The following INSR variants were observed in gnomAD, a reference collection of about 807,000 sequenced individuals.
The protein encoded by INSR is IR.
INSR carries 67 observed loss-of-function variants against 142.6 expected under a neutral mutation model. That is an observed-to-expected ratio of 0.47 (90% CI 0.39 to 0.58). The LOEUF (loss-of-function observed/expected upper bound fraction) is 0.58. Ranked by LOEUF, INSR falls within the 20% of genes least tolerant of loss-of-function variation. The pLI is 0.00. For synonymous variants in INSR, 756 were observed against 743.1 expected, an observed-to-expected ratio of 1.02 and a Z score of -0.28; for missense variants, 1,248 against 1,833.2, an observed-to-expected ratio of 0.68 and a Z score of 5.83.
intron 14 of INSR, 71 bp downstream of exon 14, chr19:7,132,087 C>A: frequency 6.3e-7 from 1 of 1,593,588 alleles, no homozygotes; most frequent in Non-Finnish European, 8.6e-7. Flanking sequence ...TCCAAGTCAT[C>A]CCCTGCAATG....
At chr19:7,195,931 C>CT (rs903162924) in intron 2 of INSR, among the ~76,000 whole-genome samples, 1,510 of 54,786 alleles carry the variant, frequency 0.028, 82 homozygotes, top group East Asian at 0.25. Flanking sequence ...TCTTTTCTTT[C>CT]TTTTTTTTTT....
Position 7,117,104 on chromosome 19 carries a change from G to T in INSR, c.4101C>A (p.Gly1367=), listed in dbSNP as rs1483162267. 1.2e-6 allele frequency: 2 copies of T among 1,613,954 alleles called. No homozygotes were observed. Among genetic ancestry groups the T allele is most frequent in the African/African-American group, 2.7e-5 (2 of 74,882 alleles). ...EHIPYTHMNG[G]KKNGRILTLP... ...AGGTCAGAATCCGCCCGTTTTTCTT[G>T]CCTCCGTTCATGTGTGTGTAAGGGA... is the stretch of plus-strand genomic sequence containing the variant. Residue 1367 remains glycine, a synonymous_variant, in exon 22 of 22, where the codon GGC becomes GGA. Coordinates refer to ENST00000302850, the MANE Select transcript of INSR (RefSeq NM_000208.4).
At chr19:7,185,632 C>T (rs1974405504) in intron 2 of INSR, among the ~76,000 whole-genome samples, 1 of 151,576 alleles carries the variant, frequency 6.6e-6, no homozygotes, top group African/African-American at 2.4e-5. Flanking sequence ...CACCTGAGGT[C>T]AGGAGTTTGA....
chr19:7,130,597 C>T (rs959585335), intron 14 of INSR, among the ~76,000 whole-genome samples: 8 of 152,108 alleles, frequency 5.3e-5, no homozygotes, highest in East Asian at 1.9e-4. Flanking sequence ...ACCATCTCCC[C>T]GTCTTAACAC....
At chr19:7,155,984 TATCA>T (rs1225482780) in intron 9 of INSR, among the ~76,000 whole-genome samples, 2 of 144,434 alleles carry the variant, frequency 1.4e-5, no homozygotes, top group Non-Finnish European at 1.5e-5. Context: ...TGCATGAAAA[TATCA>T]ATCAATCAAT....
chr19:7,287,380 C>T (rs977630952), intron 1 of INSR, among the ~76,000 whole-genome samples: 3 of 151,550 alleles, frequency 2.0e-5, no homozygotes, highest in South Asian at 2.1e-4. Context: ...AGGCTGGTCT[C>T]GAACTCCTGA....
intron 9 of INSR, among the ~76,000 whole-genome samples, chr19:7,155,948 A>G (rs1466164108): frequency 2.0e-5 from 3 of 148,830 alleles, no homozygotes; most frequent in Admixed American, 6.8e-5. Context: ...GAGAAGAAGG[A>G]GGAGGAGAAG....
chr19:7,271,708 G>A (rs1006554127), intron 1 of INSR, among the ~76,000 whole-genome samples: 2 of 152,148 alleles, frequency 1.3e-5, no homozygotes, highest in Non-Finnish European at 2.9e-5. Context: ...GTCTATAGCA[G>A]CATTATTCAT....
At chr19:7,180,894 G>T (rs1335605313) in intron 3 of INSR, among the ~76,000 whole-genome samples, 2 of 152,256 alleles carry the variant, frequency 1.3e-5, no homozygotes, top group East Asian at 3.9e-4. Context: ...GTCTTGGGAA[G>T]CCACCGGAGG....
intron 2 of INSR, among the ~76,000 whole-genome samples, chr19:7,232,759 G>A (rs1422544727): frequency 2.6e-5 from 4 of 151,382 alleles, no homozygotes; most frequent in Non-Finnish European, 4.4e-5. Context: ...GCAGTGAGCC[G>A]AGATCCCGCC....
At chr19:7,249,725 G>A (rs571763211) in intron 2 of INSR, among the ~76,000 whole-genome samples, 64 of 152,242 alleles carry the variant, frequency 4.2e-4, no homozygotes, top group South Asian at 1.2e-3. Context: ...GGGCGCGGTG[G>A]CTCACGCCTG....
chr19:7,282,238 G>A lies in INSR; in HGVS notation c.100+11554C>T, dbSNP rs76613792. On this transcript the variant is annotated intron_variant, in intron 1 of 21. Coordinates refer to ENST00000302850, the MANE Select transcript of INSR (RefSeq NM_000208.4). Reference sequence around the variant, plus strand: ...AAATTAGCTGGGCGTGGTGGTGTACGCCTGTAATCCCAGCTACTCGGGAGG... The same window carrying A: ...AAATTAGCTGGGCGTGGTGGTGTACACCTGTAATCCCAGCTACTCGGGAGG... Among the ~76,000 whole-genome samples, 1,668 of 152,010 alleles carry A rather than the reference G, an allele frequency of 0.011. 80 individuals carry two copies. In the East Asian group the frequency reaches 0.17, roughly 15 times the overall value.
intron 9 of INSR, among the ~76,000 whole-genome samples, chr19:7,158,309 G>A (rs531804011): frequency 2.0e-5 from 3 of 151,810 alleles, no homozygotes; most frequent in Non-Finnish European, 4.4e-5. Flanking sequence ...GACCATCCTG[G>A]CTAACATGGT....
chr19:7,203,003 T>TTTTG (rs1555751325), intron 2 of INSR, among the ~76,000 whole-genome samples: 44 of 148,786 alleles, frequency 3.0e-4, no homozygotes, highest in African/African-American at 1.1e-3. Flanking sequence ...GTTGTTTTTT[T>TTTTG]TTTTTTTTTT....
At chr19:7,127,767 A>C (rs1009819126) in intron 15 of INSR, among the ~76,000 whole-genome samples, 1 of 152,118 alleles carries the variant, frequency 6.6e-6, no homozygotes, top group African/African-American at 2.4e-5. Flanking sequence ...TTTTTGAGAC[A>C]AAGTCTCACT....
At position 7,267,700 on chromosome 19, in the gene INSR, C is replaced by T. The variant is rs1568229199; in HGVS notation, c.297G>A (p.Leu99=). The change falls in exon 2 of 22, where the codon CTG becomes CTA. Residue 99 remains leucine, a synonymous_variant. Coordinates refer to ENST00000302850, the MANE Select transcript of INSR (RefSeq NM_000208.4). This position sits in a 1 kb window ranked among gnomAD's most constrained non-coding sequence, Gnocchi z 6.3. ...CCGTGAGGTTGGGGAACAGGTCCTT[C>T]AGGCTCTCGAGCCCATAGACCCGGA... is the stretch of plus-strand genomic sequence containing the variant. ...LLFRVYGLES[L]KDLFPNLTVI... 2 of 1,614,098 alleles carry T rather than the reference C, an allele frequency of 1.2e-6. No individual in the cohort carries two copies. Among genetic ancestry groups the T allele is most frequent in the Non-Finnish European group, 1.7e-6 (2 of 1,180,028 alleles).
intron 2 of INSR, among the ~76,000 whole-genome samples, chr19:7,249,179 A>T (rs571297885): frequency 1.2e-4 from 19 of 152,078 alleles, no homozygotes; most frequent in Middle Eastern, 3.4e-3. Flanking sequence ...CATCAAATTC[A>T]TCCTTCCCTG....
chr19:7,272,062 C>A (rs1022977035), intron 1 of INSR, among the ~76,000 whole-genome samples: 1 of 151,764 alleles, frequency 6.6e-6, no homozygotes, highest in Non-Finnish European at 1.5e-5. Context: ...CCCAGCACTG[C>A]GGGAGGCCGA....
At chr19:7,291,985 G>C (rs1163295964) in intron 1 of INSR, among the ~76,000 whole-genome samples, 1 of 151,716 alleles carries the variant, frequency 6.6e-6, no homozygotes, top group African/African-American at 2.4e-5. Flanking sequence ...AGTAGAGACA[G>C]GGTTTTACCG....
Sources: allele counts gnomAD v4.1 joint callset (sites outside exome capture counted in the v4.1 genomes callset), GRCh38; gene constraint gnomAD v4.1.1; non-coding constraint Gnocchi (gnomAD v3.1); transcripts MANE v1.5; gene names NCBI Gene and HGNC (gene_info 2026-07-23, HGNC 2026-07-21).